NUBPL: variants seen among roughly 807,000 people sequenced by gnomAD.
The protein encoded by NUBPL is NUBP iron-sulfur cluster assembly factor, mitochondrial, also known as iron-sulfur cluster transfer protein NUBPL.
A neutral mutation model predicts 45.7 loss-of-function variants in NUBPL; 31 were observed. The observed-to-expected ratio is 0.68, with a 90% confidence interval of 0.51 to 0.92. The LOEUF (loss-of-function observed/expected upper bound fraction) is 0.92. Ranked by LOEUF, NUBPL falls within the 40% of genes least tolerant of loss-of-function variation. NUBPL has a pLI of 0.00. For synonymous variants in NUBPL, 144 were observed against 140.9 expected (o/e 1.02, Z -0.15); for missense variants, 401 against 398.7 (o/e 1.01, Z -0.05).
At chr14:31,670,773 G>T (rs1287033578) in intron 4 of NUBPL, among the ~76,000 whole-genome samples, 1 of 152,186 alleles carries the variant, frequency 6.6e-6, no homozygotes, top group Non-Finnish European at 1.5e-5. Flanking sequence ...TTGAAGATCA[G>T]ATGGTTGTAG....
At chr14:31,582,831 T>C (rs1226753346) in intron 3 of NUBPL, among the ~76,000 whole-genome samples, 2 of 152,200 alleles carry the variant, frequency 1.3e-5, no homozygotes, top group African/African-American at 2.4e-5. Flanking sequence ...TTTGGTTTTA[T>C]GTTACTAAAG....
intron 6 of NUBPL, among the ~76,000 whole-genome samples, chr14:31,692,517 TC>T (rs1299296246): frequency 6.6e-6 from 1 of 152,210 alleles, no homozygotes; most frequent in Non-Finnish European, 1.5e-5. Context: ...TGCTTTTAGT[TC>T]AATCTTCAGT....
chr14:31,602,556 T>A (rs2034471402), intron 4 of NUBPL, among the ~76,000 whole-genome samples: 1 of 152,190 alleles, frequency 6.6e-6, no homozygotes, highest in South Asian at 2.1e-4. Flanking sequence ...GGTACTGGAC[T>A]GCCTGGGTTT....
chr14:31,801,636 T>C (rs1595649445), intron 7 of NUBPL, among the ~76,000 whole-genome samples: 1 of 152,158 alleles, frequency 6.6e-6, no homozygotes, highest in Non-Finnish European at 1.5e-5. Context: ...TGGGGAGTAA[T>C]AGATGGAAGA....
intron 4 of NUBPL, among the ~76,000 whole-genome samples, chr14:31,672,989 T>C (rs916808464): frequency 1.3e-5 from 2 of 152,202 alleles, no homozygotes; most frequent in Non-Finnish European, 2.9e-5. Flanking sequence ...AGTCAAGTAG[T>C]GCGAAGTTTC....
chr14:31,622,811 A>G (rs558120285), intron 4 of NUBPL, among the ~76,000 whole-genome samples: 1 of 152,360 alleles, frequency 6.6e-6, no homozygotes, highest in Non-Finnish European at 1.5e-5. Context: ...CAGAGCCCCC[A>G]TGGAGAACTT....
intron 7 of NUBPL, among the ~76,000 whole-genome samples, chr14:31,789,887 T>G (rs1207753607): frequency 6.6e-6 from 1 of 151,970 alleles, no homozygotes; most frequent in Non-Finnish European, 1.5e-5. Flanking sequence ...AATTCATTTT[T>G]TCATACTGTG....
rs376466600 is a variant in NUBPL, at chr14:31,729,281, C to CG, written c.513+55707_513+55708insG. Among the ~76,000 whole-genome samples, 138 of 48,130 alleles carry CG rather than the reference C, an allele frequency of 2.9e-3. 1 individual carries two copies. In the East Asian group the frequency reaches 0.095, roughly 33 times the overall value. The allele number at this position is 48,130 out of a possible 152,430, so 31.6% of individuals were successfully genotyped here. ...GTGACAGAGAGATGCTCCATCCCCC[C>CG]CCCCCCCAAAAAAAAAGTCATTCAA... On this transcript the variant is annotated intron_variant, in intron 6 of 10. Coordinates refer to ENST00000281081, the MANE Select transcript of NUBPL (RefSeq NM_025152.3).
At chr14:31,756,289 G>A (rs1246113516) in intron 6 of NUBPL, among the ~76,000 whole-genome samples, 7 of 152,092 alleles carry the variant, frequency 4.6e-5, no homozygotes, top group African/African-American at 1.7e-4. Flanking sequence ...ATTTCCTTGG[G>A]CAGTATGGTC....
intron 3 of NUBPL, among the ~76,000 whole-genome samples, chr14:31,567,157 A>G (rs1051390486): frequency 6.6e-6 from 1 of 152,176 alleles, no homozygotes; most frequent in African/African-American, 2.4e-5. Flanking sequence ...TTTGAAAACA[A>G]CATACCGTTT....
At chr14:31,858,382 A>G (rs998771530) in intron 10 of NUBPL, among the ~76,000 whole-genome samples, 2 of 152,234 alleles carry the variant, frequency 1.3e-5, no homozygotes, top group African/African-American at 4.8e-5. Flanking sequence ...AAATTTTACT[A>G]TTGTGTTCTA....
At chr14:31,698,841 CAATAGTGACTT>C in intron 6 of NUBPL, among the ~76,000 whole-genome samples, 1 of 151,392 alleles carries the variant, frequency 6.6e-6, no homozygotes, top group Non-Finnish European at 1.5e-5. Context: ...AGAAGTGACT[CAATAGTGACTT>C]ACACTTTTTT....
At chr14:31,747,170 G>A (rs958337653) in intron 6 of NUBPL, among the ~76,000 whole-genome samples, 1 of 135,258 alleles carries the variant, frequency 7.4e-6, no homozygotes, top group African/African-American at 3.1e-5. Flanking sequence ...GAGTCTCGCT[G>A]TGTTGCCCAG....
intron 7 of NUBPL, among the ~76,000 whole-genome samples, chr14:31,788,596 T>A (rs910173891): frequency 6.6e-6 from 1 of 152,240 alleles, no homozygotes; most frequent in Non-Finnish European, 1.5e-5. Flanking sequence ...CTGTACTTAC[T>A]GTGCCTGTGT....
chr14:31,690,214 G>C (rs527412845), intron 6 of NUBPL, among the ~76,000 whole-genome samples: 1 of 152,076 alleles, frequency 6.6e-6, no homozygotes, highest in African/African-American at 2.4e-5. Context: ...TTATGATCAG[G>C]GCTGCCCTTA....
intron 10 of NUBPL, among the ~76,000 whole-genome samples, chr14:31,857,173 T>G (rs2040635731): frequency 6.6e-6 from 1 of 152,182 alleles, no homozygotes. Context: ...CAACACCATG[T>G]GGAAGCTGCC....
At chr14:31,715,318 GGCTTAGAAACTAAATAA>G (rs1313115907) in intron 6 of NUBPL, among the ~76,000 whole-genome samples, 1 of 151,944 alleles carries the variant, frequency 6.6e-6, no homozygotes, top group Non-Finnish European at 1.5e-5. Flanking sequence ...CACTTTTATA[GGCTTAGAAACTAAATAA>G]GCTAAGGTCA....
chr14:31,842,256 A>T (rs1002539227), intron 8 of NUBPL, among the ~76,000 whole-genome samples: 3 of 151,540 alleles, frequency 2.0e-5, no homozygotes, highest in Non-Finnish European at 4.4e-5. Context: ...ATTACAACCA[A>T]GTTTTTTGGT....
At chr14:31,596,720 A>G (rs1241539312) in intron 3 of NUBPL, among the ~76,000 whole-genome samples, 2 of 152,324 alleles carry the variant, frequency 1.3e-5, no homozygotes, top group South Asian at 2.1e-4. Context: ...TAGCATTTTC[A>G]TGTTTAATTT....
Sources: gnomAD v4.1 joint callset for allele counts (sites outside exome capture counted in the v4.1 genomes callset) on GRCh38, gnomAD v4.1.1 for gene constraint, MANE v1.5 for transcripts, NCBI Gene and HGNC (gene_info 2026-07-23, HGNC 2026-07-21) for gene names.